The following MIR2052HG variants were observed in gnomAD, a reference collection of about 807,000 sequenced individuals.
MIR2052HG encodes MIR2052 host gene.
chr8:74,603,559 C>A, intron 1 of MIR2052HG: 1 of 1,531,940 alleles, frequency 6.5e-7, no homozygotes, highest in Non-Finnish European at 9.0e-7. Flanking sequence ...TGCACTGAAT[C>A]CAGTGTTGCC....
intron 2 of MIR2052HG, among the ~76,000 whole-genome samples, chr8:74,693,481 G>A (rs1809260559): frequency 6.6e-6 from 1 of 152,046 alleles, no homozygotes; most frequent in Admixed American, 6.6e-5. Context: ...GCCACAGCAG[G>A]TGGTGGGCAG....
At chr8:74,665,173 C>A (rs1808908516) in intron 2 of MIR2052HG, among the ~76,000 whole-genome samples, 1 of 152,184 alleles carries the variant, frequency 6.6e-6, no homozygotes. Context: ...TTTTTAATCT[C>A]TGCCTTTTTT....
At chr8:74,713,374 A>G (rs1473558345) in intron 4 of MIR2052HG, among the ~76,000 whole-genome samples, 1 of 152,176 alleles carries the variant, frequency 6.6e-6, no homozygotes, top group Non-Finnish European at 1.5e-5. Context: ...TTCTTAAATG[A>G]CAAAATGGAT....
At chr8:74,727,358 C>T (rs551089268) in intron 4 of MIR2052HG, among the ~76,000 whole-genome samples, 75 of 152,314 alleles carry the variant, frequency 4.9e-4, no homozygotes, top group African/African-American at 1.8e-3. Context: ...TCCCTTATTA[C>T]ACCTATTCCC....
intron 4 of MIR2052HG, among the ~76,000 whole-genome samples, chr8:74,732,266 G>A (rs1809700349): frequency 6.6e-6 from 1 of 152,118 alleles, no homozygotes; most frequent in Admixed American, 6.5e-5. Context: ...TATACAAGAG[G>A]ATGTGTGTAG....
intron 2 of MIR2052HG, among the ~76,000 whole-genome samples, chr8:74,657,480 A>G (rs889317568): frequency 6.6e-6 from 1 of 152,090 alleles, no homozygotes; most frequent in East Asian, 1.9e-4. Flanking sequence ...ACTGCCCAGG[A>G]GTCTATTAGA....
At chr8:74,685,690 G>A (rs1328051046) in intron 2 of MIR2052HG, among the ~76,000 whole-genome samples, 1 of 151,958 alleles carries the variant, frequency 6.6e-6, no homozygotes, top group African/African-American at 2.4e-5. Context: ...AGAAGAGCTA[G>A]CACAGAAAAA....
In MIR2052HG at chr8:74,603,979, C is replaced by T. The variant is rs878967082; in HGVS notation, n.128+4071C>T. On this transcript the variant is annotated intron_variant and non_coding_transcript_variant, in intron 1 of 6. Transcript: ENST00000523442. ...TGGGGGTCTAGTGGCAGCTGTGCTA[C>T]TGGTCATAGAGCTGCTTATGTCCTC... is the stretch of plus-strand genomic sequence containing the variant. 1.9e-5 allele frequency: 18 copies of T among 964,510 alleles called. 1 individual carries two copies. Among genetic ancestry groups the T allele is most frequent in the South Asian group, 7.7e-5 (6 of 77,918 alleles). 59.7% of individuals were successfully genotyped at this position (964,510 alleles called of 1,614,324 possible).
At position 74,752,715 on chromosome 8, in the gene MIR2052HG, G is replaced by C. The variant is rs116302144; in HGVS notation, n.464+182G>C. Among the ~76,000 whole-genome samples, 386 of 152,306 alleles carry C rather than the reference G, an allele frequency of 2.5e-3. 2 individuals carry two copies. Among genetic ancestry groups the C allele is most frequent in the African/African-American group, 7.8e-3 (326 of 41,562 alleles). ...AGATTGCTAGTAAATAAGCCTGGTA[G>C]TAACAGTCTCTCCTTGGCATTTACT... On this transcript the variant is annotated intron_variant and non_coding_transcript_variant, in intron 5 of 6. Coordinates refer to ENST00000523442, the Ensembl canonical transcript of MIR2052HG.
chr8:74,744,878 T>G (rs1236581747), intron 4 of MIR2052HG, among the ~76,000 whole-genome samples: 3 of 152,172 alleles, frequency 2.0e-5, no homozygotes. Flanking sequence ...GAAGGAGAAC[T>G]GTGGGTAACT....
chr8:74,641,320 G>A (rs1808637004), intron 2 of MIR2052HG, among the ~76,000 whole-genome samples: 2 of 152,088 alleles, frequency 1.3e-5, no homozygotes, highest in Non-Finnish European at 2.9e-5. Flanking sequence ...TATGTGATGA[G>A]TTGTATAATT....
intron 2 of MIR2052HG, among the ~76,000 whole-genome samples, chr8:74,649,288 A>T (rs1038399681): frequency 6.6e-6 from 1 of 152,186 alleles, no homozygotes; most frequent in Non-Finnish European, 1.5e-5. Context: ...TATGAAAATG[A>T]CGCCTTGGAT....
intron 4 of MIR2052HG, among the ~76,000 whole-genome samples, chr8:74,744,669 G>C (rs1809866061): frequency 6.6e-6 from 1 of 152,016 alleles, no homozygotes; most frequent in South Asian, 2.1e-4. Context: ...CATTTTTTCT[G>C]GCTGCATAGT....
chr8:74,747,935 T>G (rs1321951037), intron 4 of MIR2052HG, among the ~76,000 whole-genome samples: 1 of 152,202 alleles, frequency 6.6e-6, no homozygotes, highest in Non-Finnish European at 1.5e-5. Flanking sequence ...CCACTTGAGA[T>G]GATCCAAAGT....
At chr8:74,746,517 C>T (rs1192646781) in intron 4 of MIR2052HG, among the ~76,000 whole-genome samples, 4 of 150,980 alleles carry the variant, frequency 2.6e-5, no homozygotes, top group African/African-American at 7.3e-5. Flanking sequence ...AATTAAAGTG[C>T]CATGGGAATG....
chr8:74,686,103 T>C (rs1046611721), intron 2 of MIR2052HG, among the ~76,000 whole-genome samples: 1 of 148,404 alleles, frequency 6.7e-6, no homozygotes, highest in Non-Finnish European at 1.5e-5. Flanking sequence ...GGAGATTTTT[T>C]TTTTTTCTTC....
intron 5 of MIR2052HG, among the ~76,000 whole-genome samples, chr8:74,753,099 G>C (rs1321165023): frequency 6.6e-6 from 1 of 152,196 alleles, no homozygotes; most frequent in African/African-American, 2.4e-5. Context: ...AGAAATACGA[G>C]TTTACTAGGT....
At chr8:74,727,398 C>T (rs1426426317) in intron 4 of MIR2052HG, among the ~76,000 whole-genome samples, 4 of 152,100 alleles carry the variant, frequency 2.6e-5, no homozygotes, top group African/African-American at 9.7e-5. Flanking sequence ...TTTTGTATTA[C>T]ATATTTGTTT....
chr8:74,724,523 G>GA (rs1394888438), intron 4 of MIR2052HG, among the ~76,000 whole-genome samples: 1 of 152,058 alleles, frequency 6.6e-6, no homozygotes, highest in Non-Finnish European at 1.5e-5. Context: ...TGCTGTCACA[G>GA]AAAAAAATGA....
Sources: gnomAD v4.1 joint callset for allele counts (sites outside exome capture counted in the v4.1 genomes callset) on GRCh38, gnomAD v4.1.1 for gene constraint, MANE v1.5 for transcripts, NCBI Gene and HGNC (gene_info 2026-07-23, HGNC 2026-07-21) for gene names.